The following C3 variants were observed in gnomAD, a reference collection of about 807,000 sequenced individuals.
C3 encodes complement C3, also known as C3 and PZP-like alpha-2-macroglobulin domain-containing protein 1.
C3 carries 97 observed loss-of-function variants against 207.9 expected under a neutral mutation model. The ratio of observed to expected loss-of-function variants is 0.47; its 90% CI spans 0.40 to 0.55. The LOEUF is 0.55. Ranked by LOEUF, C3 falls within the 20% of genes least tolerant of loss-of-function variation. C3 has a pLI of 0.00. For synonymous variants in C3, 848 were observed against 857.6 expected, an observed-to-expected ratio of 0.99 and a Z score of 0.20; for missense variants, 1,684 against 2,171.7, an observed-to-expected ratio of 0.78 and a Z score of 4.46.
At chr19:6,702,316 G>A in intron 18 of C3, 104 bp from the exon 19 acceptor site, 3 of 956,356 alleles carry the variant, frequency 3.1e-6, no homozygotes, top group Admixed American at 1.8e-5. Context: ...GGAAGGGTCT[G>A]GGGGTGCCTC....
At position 6,719,427 on chromosome 19, in the gene C3, G is replaced by A. The variant is rs1450055183; in HGVS notation, c.75-24C>T. 1 of 1,608,212 alleles carries A rather than the reference G, an allele frequency of 6.2e-7. No homozygotes were observed. Among genetic ancestry groups the A allele is most frequent in the Non-Finnish European group, 8.5e-7 (1 of 1,175,024 alleles). On this transcript the variant is annotated intron_variant, in intron 1 of 40. Transcript: ENST00000245907. The surrounding 1 kb of genome is among the most constrained non-coding windows in gnomAD (Gnocchi z 5.4). ...ACCTGTCGGAGTGGGGCACGGGAGT[G>A]GGCTTGTCATTCCACGGATGTGAGA...
At chr19:6,689,334 TCCCTCCCTCCCTCC>T (rs1918100613) in intron 27 of C3, among the ~76,000 whole-genome samples, 46 of 37,756 alleles carry the variant, frequency 1.2e-3, no homozygotes, top group African/African-American at 6.3e-3. Flanking sequence ...CCTACCTCCC[TCCCTCCCTCCCTCC>T]CTCCCTCCCT....
At chr19:6,683,573 C>T (rs1403887065) in intron 33 of C3, among the ~76,000 whole-genome samples, 1 of 151,340 alleles carries the variant, frequency 6.6e-6, no homozygotes, top group Admixed American at 6.6e-5. Context: ...GCCTCAGCCT[C>T]CCAAGTAGCT....
rs368613993 is a variant in C3, at chr19:6,705,346, T to TA, written c.2245+1729_2245+1730insT. On this transcript the variant is annotated intron_variant, in intron 17 of 40. Transcript: ENST00000245907. The stretch of plus-strand genomic sequence containing the variant: ...TTTCTTTTCTTTTCTCTCTCTTTTT[T>TA]TTTTTTTCTTTTTTGAGACAGGGTC... 1.1e-3 allele frequency among the ~76,000 whole-genome samples: 165 copies of TA among 151,372 alleles called. 1 individual carries two copies. Among genetic ancestry groups the TA allele is most frequent in the Middle Eastern group, 6.8e-3 (2 of 294 alleles).
chr19:6,697,869 T>G, intron 19 of C3, 75 bp from the exon 20 acceptor site: 13 of 1,459,778 alleles, frequency 8.9e-6, no homozygotes, highest in Non-Finnish European at 1.2e-5. Context: ...GTCTCAGCTC[T>G]TAGTCCACTC....
At position 6,718,120 on chromosome 19, in the gene C3, C is replaced by T. The variant is rs1486448244; in HGVS notation, c.478G>A (p.Gly160Ser). ...TCAATGTTGACCATGACCGTCCGGC[C>T]CACGGGTAGCAGCTTGTGGTTGACG... The part of the protein sequence containing the change: ...FTVNHKLLPV[G>S]RTVMVNIENP... Residue 160 changes from glycine to serine, a missense_variant, in exon 4 of 41, where the codon GGC (glycine) becomes AGC (serine). Gly to Ser is a moderately conservative substitution (Grantham distance 56). This residue lies in a region of C3 where 1,280 missense variants were observed against 1,739.1 expected (regional missense o/e 0.74). Transcript: ENST00000245907. 2.5e-6 allele frequency: 4 copies of T among 1,614,052 alleles called. No homozygotes were observed. Among genetic ancestry groups the T allele is most frequent in the Non-Finnish European group, 3.4e-6 (4 of 1,180,036 alleles).
At chr19:6,714,634 G>A (rs1349657711) in intron 4 of C3, among the ~76,000 whole-genome samples, 188 bp from the exon 5 acceptor site, 1 of 152,190 alleles carries the variant, frequency 6.6e-6, no homozygotes. Flanking sequence ...GGCTGAGGCG[G>A]GCAGATCACC....
chr19:6,683,606 ATG>A (rs1917922892), intron 33 of C3, among the ~76,000 whole-genome samples: 1 of 151,920 alleles, frequency 6.6e-6, no homozygotes, highest in Non-Finnish European at 1.5e-5. Flanking sequence ...ACCCGCCACC[ATG>A]CCCGGCTAAT....
At chr19:6,696,506 C>T (rs978017395) in intron 22 of C3, 41 bp from the exon 23 acceptor site, 1 of 1,594,154 alleles carries the variant, frequency 6.3e-7, no homozygotes, top group Admixed American at 1.7e-5. Context: ...CTAGCTCCCT[C>T]CCGCCCTATC....
chr19:6,682,628 A>G (rs1179299526), intron 33 of C3: 3 of 279,602 alleles, frequency 1.1e-5, no homozygotes, highest in Non-Finnish European at 2.1e-5. Context: ...GATCACGAGT[A>G]GTTGCATATG....
intron 13 of C3, 121 bp downstream of exon 13, chr19:6,710,516 AAG>A (rs1179588888): frequency 8.1e-6 from 6 of 740,108 alleles, no homozygotes; most frequent in African/African-American, 5.3e-5. Flanking sequence ...AGAGGAAGAG[AAG>A]AGAGAGAAAG....
chr19:6,711,094 G>C lies in C3; in HGVS notation c.1372C>G (p.Leu458Val). 3.1e-6 allele frequency: 5 copies of C among 1,614,152 alleles called. No individual in the cohort carries two copies. The highest frequency in any genetic ancestry group is 3.4e-6 in the Non-Finnish European group (4 of 1,180,016). Residue 458 changes from leucine (L) to valine (V), a missense_variant, in exon 12 of 41, where the codon CTC becomes GTC. By Grantham distance (32) the Leu-to-Val change is conservative. Coordinates refer to ENST00000245907, the MANE Select transcript of C3 (RefSeq NM_000064.4). ...TVGNSNNYLH[L>V]SVLRTELRPG... is the part of the protein sequence containing the mutation. ...CTGAGCTCTGTACGTAGCACTGAGA[G>C]ATGCAGGTAATTGTTGGAGTTGCCC...
At chr19:6,710,066 A>G (rs1967873598) in intron 13 of C3, among the ~76,000 whole-genome samples, 1 of 134,974 alleles carries the variant, frequency 7.4e-6, no homozygotes. Flanking sequence ...AGAGAGACGG[A>G]GAGACAGGGA....
intron 30 of C3, 22 bp from the exon 31 acceptor site, chr19:6,684,856 G>A (rs1917959965): frequency 3.1e-6 from 5 of 1,613,900 alleles, no homozygotes; most frequent in Non-Finnish European, 4.2e-6. Flanking sequence ...AAAGAGAGAA[G>A]AGAGCATGTT....
intron 19 of C3, among the ~76,000 whole-genome samples, chr19:6,698,067 A>T (rs1235387370): frequency 6.6e-6 from 1 of 151,768 alleles, no homozygotes; most frequent in Admixed American, 6.6e-5. Flanking sequence ...GCCAGGCTGG[A>T]GTGCAGTGGC....
chr19:6,685,540 C>T (rs1016537970), intron 29 of C3, among the ~76,000 whole-genome samples: 1 of 152,120 alleles, frequency 6.6e-6, no homozygotes, highest in African/African-American at 2.4e-5. Context: ...CCAGAGGATA[C>T]TGAGCATATA....
rs1968128350 is a variant in C3 at position 6,719,916 on chromosome 19, C to A, written c.75-513G>T. 1.3e-5 allele frequency among the ~76,000 whole-genome samples: 2 copies of A among 152,088 alleles called. 1 individual carries two copies. Among genetic ancestry groups the A allele is most frequent in the Non-Finnish European group, 2.9e-5 (2 of 68,020 alleles). ...CCAAACCCAGCCTAAACCTCCAACA[C>A]CCCAGTCCTAATAAATACAATCAAT... On this transcript the variant is annotated intron_variant, in intron 1 of 40. Transcript: ENST00000245907. This position sits in a 1 kb window ranked among gnomAD's most constrained non-coding sequence, Gnocchi z 5.4.
intron 9 of C3, 69 bp downstream of exon 9, chr19:6,713,120 T>C: frequency 6.3e-7 from 1 of 1,584,920 alleles, no homozygotes. Flanking sequence ...CTTTCTCTTC[T>C]GACCTGGTCT....
intron 4 of C3, among the ~76,000 whole-genome samples, chr19:6,715,521 GA>G (rs1599526558): frequency 6.6e-6 from 1 of 151,982 alleles, no homozygotes; most frequent in East Asian, 1.9e-4. Context: ...AAGTTTAAAA[GA>G]AATTGTACAG....
Sources: gnomAD v4.1 joint callset for allele counts (sites outside exome capture counted in the v4.1 genomes callset) on GRCh38, gnomAD v4.1.1 for gene constraint, gnomAD v4.1.1 regional missense constraint, Gnocchi (gnomAD v3.1) non-coding constraint, MANE v1.5 for transcripts, NCBI Gene and HGNC (gene_info 2026-07-23, HGNC 2026-07-21) for gene names.